CDCP2: variants seen among roughly 807,000 people sequenced by gnomAD.
The protein encoded by CDCP2 is CUB domain containing protein 2.
A neutral mutation model predicts 31.0 loss-of-function variants in CDCP2; 31 were observed. The ratio of observed to expected loss-of-function variants is 1.00; its 90% CI spans 0.75 to 1.35. CDCP2 has a LOEUF of 1.35. Among genes scored for constraint, CDCP2 ranks in the 40% most tolerant of loss-of-function variants. The pLI is 0.00. For synonymous variants in CDCP2, 206 were observed against 207.9 expected (o/e 0.99, Z 0.08); for missense variants, 443 against 482.6 (o/e 0.92, Z 0.77).
At chr1:54,142,852 C>T (rs1019282070) in intron 2 of CDCP2, 2 of 152,210 alleles carry the variant, frequency 1.3e-5, no homozygotes, top group African/African-American at 4.8e-5. Context: ...CCTGCTGGCA[C>T]CTGGTGCAAA....
rs548968461 is a variant in CDCP2, at chr1:54,141,594, G to A, written c.428-161C>T. The stretch of plus-strand genomic sequence containing the variant: ...GCTACCCAAGTAGCAAGTGTAGCAC[G>A]TGCTCAGGCCCAGCATTTGGCACCT... On this transcript the variant is annotated intron_variant, in intron 2 of 5. Transcript: ENST00000530059. 5.7e-5 allele frequency: 36 copies of A among 626,454 alleles called. No individual in the cohort carries two copies. The East Asian group carries it at 7.0e-4, about 12-fold the overall frequency. 38.8% of individuals were successfully genotyped at this position (626,454 alleles called of 1,614,324 possible). A position where few individuals can be genotyped will look rare whatever the true frequency, so the allele number is the denominator to read the frequency against.
Position 54,134,164 on chromosome 1 carries a change from G to A in CDCP2, c.1297-870C>T, listed in dbSNP as rs117312451. ...CATGACTACTGAGGCCTGGAAGGGC[G>A]ATGACTTGCCCAGAGCTAGAGAAGC... On this transcript the variant is annotated intron_variant, in intron 5 of 5. Coordinates refer to ENST00000530059, the Ensembl canonical transcript of CDCP2. Among the ~76,000 whole-genome samples the A allele has an allele frequency of 6.7e-4, 102 of 152,324 alleles. 2 individuals are homozygous for A. In the East Asian group the frequency reaches 0.018, roughly 26 times the overall value.
chr1:54,144,898 TG>T lies in CDCP2; in HGVS notation c.80-86del, dbSNP rs991674716. 4.0e-6 allele frequency: 4 copies of T among 1,010,870 alleles called. No individual in the cohort carries two copies. The African/African-American group carries it at 6.5e-5, about 16-fold the overall frequency. The allele number at this position is 1,010,870 out of a possible 1,614,324, so 62.6% of individuals were successfully genotyped here. A position where few individuals can be genotyped will look rare whatever the true frequency, so the allele number is the denominator to read the frequency against. Reference sequence around the variant, plus strand: ...AGGGCAGTGGGCCCAGCTACAAAGCTGGGTTCTTGGGATGGGATGAGGGAAC... The same window carrying T: ...AGGGCAGTGGGCCCAGCTACAAAGCTGGTTCTTGGGATGGGATGAGGGAAC... On this transcript the variant is annotated intron_variant, in intron 1 of 5. Transcript: ENST00000530059.
chr1:54,147,615 C>T (rs1322123892), intron 1 of CDCP2, among the ~76,000 whole-genome samples: 1 of 151,844 alleles, frequency 6.6e-6, no homozygotes, highest in Non-Finnish European at 1.5e-5. Context: ...GATCTACCCT[C>T]CTGGGCATCT....
At chr1:54,148,974 A>ATATATAATATATTTATTTTAT (rs149408012) in intron 1 of CDCP2, among the ~76,000 whole-genome samples, 1 of 146,286 alleles carries the variant, frequency 6.8e-6, no homozygotes, top group African/African-American at 2.5e-5. Context: ...TTAAAAAAAA[A>ATATATAATATATTTATTTTAT]ATATATATAT....
chr1:54,133,913 C>CAAACAAAAAAAAAAAAAAAA (rs748829165), intron 5 of CDCP2, among the ~76,000 whole-genome samples: 129 of 144,754 alleles, frequency 8.9e-4, no homozygotes, highest in South Asian at 4.1e-3. Context: ...AACAAACAAA[C>CAAACAAAAAAAAAAAAAAAA]AAAAAAAACC....
intron 2 of CDCP2, chr1:54,144,225 CTA>C: frequency 2.2e-6 from 1 of 452,514 alleles, no homozygotes; most frequent in Non-Finnish European, 3.9e-6. Context: ...GCCTTATAAA[CTA>C]TGCATGAGAG....
chr1:54,149,833 A>G (rs1659546888), intron 1 of CDCP2, among the ~76,000 whole-genome samples: 1 of 152,250 alleles, frequency 6.6e-6, no homozygotes, highest in African/African-American at 2.4e-5. Context: ...TGAGTGAGTG[A>G]ATAATCTTAT....
chr1:54,139,852 G>A (rs201014603), exon 4 of CDCP2: 11 of 1,613,982 alleles, frequency 6.8e-6, no homozygotes, highest in Non-Finnish European at 9.3e-6. Context: ...GGTGGTGGCA[G>A]GTGGTGTCCA....
Position 54,133,378 on chromosome 1 carries a change from G to A in CDCP2, c.1297-84C>T, listed in dbSNP as rs1013125947. 1.0e-5 allele frequency: 4 copies of A among 397,874 alleles called. No individual in the cohort carries two copies. The East Asian group carries it at 1.4e-4, about 14-fold the overall frequency. The allele number at this position is 397,874 out of a possible 1,614,324, so 24.6% of individuals were successfully genotyped here. On this transcript the variant is annotated intron_variant, in intron 5 of 5. Transcript: ENST00000530059. ...TATATATGTGGGGTTCTCAGTACCA[G>A]GGGGGCAGAGCCCGAGGAGCCTGTG...
intron 5 of CDCP2, among the ~76,000 whole-genome samples, chr1:54,135,466 T>G (rs2100418344): frequency 6.6e-6 from 1 of 152,356 alleles, no homozygotes; most frequent in South Asian, 2.1e-4. Flanking sequence ...TGATTTTATG[T>G]TTCCAAGATA....
At chr1:54,146,334 C>T (rs988477422) in intron 1 of CDCP2, among the ~76,000 whole-genome samples, 7 of 151,634 alleles carry the variant, frequency 4.6e-5, no homozygotes, top group Non-Finnish European at 1.0e-4. Flanking sequence ...TGCCCGCCAC[C>T]ACACCCAGCT....
intron 1 of CDCP2, among the ~76,000 whole-genome samples, chr1:54,152,398 A>T (rs1007386178): frequency 6.7e-6 from 1 of 149,844 alleles, no homozygotes; most frequent in African/African-American, 2.5e-5. Context: ...TGGGAGGTGG[A>T]GGTTGCAGTG....
At chr1:54,133,986 A>G (rs1278691689) in intron 5 of CDCP2, among the ~76,000 whole-genome samples, 3 of 152,138 alleles carry the variant, frequency 2.0e-5, no homozygotes, top group Admixed American at 6.5e-5. Context: ...GTCACACAGC[A>G]TACAAGTGAC....
chr1:54,141,371 T>A lies in CDCP2; in HGVS notation c.490A>T (p.Asn164Tyr), dbSNP rs775362180. The change falls in exon 3 of 6, where the codon AAC becomes TAC. Residue 164 changes from asparagine (N) to tyrosine (Y), a missense_variant. Physicochemically the swap from Asn to Tyr is moderately radical, Grantham distance 143. Coordinates refer to ENST00000530059, the Ensembl canonical transcript of CDCP2. Reference sequence around the variant, plus strand: ...TGGCACTCCATGCTGTTCGGGTAGTTGTTGGGATACTCAGGACTGGTGAGG... The same window carrying A: ...TGGCACTCCATGCTGTTCGGGTAGTAGTTGGGATACTCAGGACTGGTGAGG... 4.3e-6 allele frequency: 7 copies of A among 1,614,112 alleles called. No individual in the cohort carries two copies. The highest frequency in any genetic ancestry group is 1.7e-4 in the Middle Eastern group (1 of 6,060).
chr1:54,135,183 A>AG (rs1659238105), intron 5 of CDCP2, among the ~76,000 whole-genome samples: 1 of 114,974 alleles, frequency 8.7e-6, no homozygotes, highest in Non-Finnish European at 1.7e-5. Flanking sequence ...AAATCAGAGA[A>AG]TGGGGGTGGG....
At chr1:54,151,039 C>A (rs564564897) in intron 1 of CDCP2, among the ~76,000 whole-genome samples, 1 of 152,108 alleles carries the variant, frequency 6.6e-6, no homozygotes, top group Admixed American at 6.5e-5. Flanking sequence ...AGAGGAAAGC[C>A]GATCTTGCTG....
At chr1:54,152,983 G>A (rs1008058062), upstream of CDCP2, 10 of 1,512,336 alleles carry the variant, frequency 6.6e-6, no homozygotes, top group Middle Eastern at 1.7e-4. Context: ...CTCAGGGTCC[G>A]GAGCAAGGGA....
intron 1 of CDCP2, among the ~76,000 whole-genome samples, chr1:54,148,988 T>TAA (rs1179007773): frequency 5.5e-5 from 8 of 145,560 alleles, no homozygotes; most frequent in African/African-American, 2.0e-4. Flanking sequence ...TATATATATA[T>TAA]AATATATAAT....
Sources: gnomAD v4.1 joint callset for allele counts (sites outside exome capture counted in the v4.1 genomes callset) on GRCh38, gnomAD v4.1.1 for gene constraint, MANE v1.5 for transcripts, NCBI Gene and HGNC (gene_info 2026-07-23, HGNC 2026-07-21) for gene names.